The following EYS variants were observed in gnomAD, a reference collection of about 807,000 sequenced individuals.
EYS encodes the protein EGF-like photoreceptor maintenance factor, also known as protein eyes shut homolog.
EYS carries 250 observed loss-of-function variants against 282.1 expected under a neutral mutation model. The ratio of observed to expected loss-of-function variants is 0.89; its 90% CI spans 0.80 to 0.98. The LOEUF (loss-of-function observed/expected upper bound fraction) is 0.98. EYS is among the 50% of genes least tolerant of loss of function. EYS has a pLI of 0.00. For synonymous variants in EYS, 1,355 were observed against 1,282.9 expected (o/e 1.06, Z -1.20); for missense variants, 4,016 against 3,709.0 (o/e 1.08, Z -2.15).
intron 12 of EYS, among the ~76,000 whole-genome samples, chr6:65,286,019 C>T (rs1213692159): frequency 6.6e-6 from 1 of 151,824 alleles, no homozygotes; most frequent in Non-Finnish European, 1.5e-5. Flanking sequence ...TACTAGGTCA[C>T]AGGAGGGAAA....
At chr6:64,673,437 T>C (rs1769538357) in intron 22 of EYS, among the ~76,000 whole-genome samples, 1 of 152,132 alleles carries the variant, frequency 6.6e-6, no homozygotes, top group African/African-American at 2.4e-5. Flanking sequence ...CATTATCTCA[T>C]TCTTTGCCCT....
At chr6:64,442,304 A>G (rs565178303) in intron 26 of EYS, among the ~76,000 whole-genome samples, 1 of 152,302 alleles carries the variant, frequency 6.6e-6, no homozygotes, top group East Asian at 1.9e-4. Flanking sequence ...AAAATTTCTA[A>G]GCAGCAAAAC....
rs559923378 is a variant in EYS at position 64,350,774 on chromosome 6, C to T, written c.6078+37916G>A. Among the ~76,000 whole-genome samples the T allele has an allele frequency of 2.0e-5, 3 of 151,642 alleles. No homozygotes were observed. In the South Asian group the frequency reaches 6.2e-4, roughly 31 times the overall value. ...CCAGTGATATGATTTGGCTCTGTGT[C>T]CCCATGCAAGTCTCATCTTGAATTG... is the stretch of plus-strand genomic sequence containing the variant. On this transcript the variant is annotated intron_variant, in intron 29 of 42. Transcript: ENST00000503581.
chr6:64,044,706 G>A (rs1770542420), intron 33 of EYS, among the ~76,000 whole-genome samples: 1 of 151,932 alleles, frequency 6.6e-6, no homozygotes, highest in Non-Finnish European at 1.5e-5. Context: ...TTTTACTGTT[G>A]CTTATAGAAT....
intron 23 of EYS, among the ~76,000 whole-genome samples, chr6:64,618,227 T>C (rs9445043): frequency 0.33 from 50,780 of 152,014 alleles, 9,118 homozygotes; most frequent in East Asian, 0.5. Context: ...TTGCTAAGTA[T>C]TCCATAAGCT....
intron 2 of EYS, among the ~76,000 whole-genome samples, chr6:65,548,548 C>T (rs1483215933): frequency 6.6e-6 from 1 of 152,162 alleles, no homozygotes; most frequent in Non-Finnish European, 1.5e-5. Context: ...ATGGAAGTTT[C>T]CACAGCGATT....
intron 30 of EYS, among the ~76,000 whole-genome samples, chr6:64,253,060 T>A (rs1767276045): frequency 6.6e-6 from 1 of 152,140 alleles, no homozygotes; most frequent in African/African-American, 2.4e-5. Flanking sequence ...ATTCTTTATG[T>A]CAATGCTTTT....
intron 31 of EYS, among the ~76,000 whole-genome samples, chr6:64,182,342 A>G (rs931364452): frequency 2.0e-5 from 3 of 152,100 alleles, no homozygotes; most frequent in Non-Finnish European, 2.9e-5. Context: ...CTTTTTATTA[A>G]GAAAAGAATA....
chr6:65,695,729 T>C (rs1769427028), intron 1 of EYS, among the ~76,000 whole-genome samples: 2 of 151,984 alleles, frequency 1.3e-5, no homozygotes, highest in South Asian at 4.1e-4. Flanking sequence ...ATACAGGTAA[T>C]ATGGCTCTGT....
intron 5 of EYS, among the ~76,000 whole-genome samples, chr6:65,459,695 G>T (rs1297581551): frequency 2.6e-5 from 4 of 151,372 alleles, no homozygotes; most frequent in African/African-American, 4.8e-5. Context: ...TTCATAGAGA[G>T]TCTTGAACAG....
chr6:65,099,853 G>A (rs1774845028), intron 12 of EYS, among the ~76,000 whole-genome samples: 1 of 150,548 alleles, frequency 6.6e-6, no homozygotes, highest in African/African-American at 2.4e-5. Context: ...TTTATCAAAG[G>A]CAAAAGACAA....
At chr6:65,079,082 C>A (rs1472679702) in intron 12 of EYS, among the ~76,000 whole-genome samples, 3 of 151,936 alleles carry the variant, frequency 2.0e-5, no homozygotes, top group African/African-American at 4.8e-5. Context: ...ATTGCTCAGT[C>A]TCATGTATTT....
chr6:65,365,654 G>A (rs562632365), intron 8 of EYS, among the ~76,000 whole-genome samples: 1 of 151,748 alleles, frequency 6.6e-6, no homozygotes, highest in South Asian at 2.1e-4. Context: ...ACAATGTAAT[G>A]TTTTTGATAT....
At chr6:63,849,581 G>A (rs1181646316) in intron 36 of EYS, among the ~76,000 whole-genome samples, 1 of 152,130 alleles carries the variant, frequency 6.6e-6, no homozygotes. Context: ...GCAGAAGAGG[G>A]GCCTGACTGT....
intron 42 of EYS, among the ~76,000 whole-genome samples, chr6:63,723,655 G>A (rs1768495490): frequency 2.0e-5 from 3 of 151,896 alleles, no homozygotes; most frequent in Non-Finnish European, 2.9e-5. Flanking sequence ...ATGTTCTTAC[G>A]AAAAATTGAC....
chr6:64,531,841 T>C (rs1764353267), intron 26 of EYS, among the ~76,000 whole-genome samples: 1 of 152,142 alleles, frequency 6.6e-6, no homozygotes, highest in Non-Finnish European at 1.5e-5. Flanking sequence ...GGTGTAAGTC[T>C]ACCCATTCGA....
chr6:65,132,149 G>A (rs1392298001), intron 12 of EYS, among the ~76,000 whole-genome samples: 1 of 151,410 alleles, frequency 6.6e-6, no homozygotes, highest in Non-Finnish European at 1.5e-5. Context: ...ATAAGGAAGA[G>A]CTGATTCCTA....
chr6:64,249,635 A>G (rs1388595497), intron 30 of EYS, among the ~76,000 whole-genome samples: 2 of 152,232 alleles, frequency 1.3e-5, no homozygotes, highest in Non-Finnish European at 2.9e-5. Context: ...CAGGGCTAGA[A>G]TTGGATAGTA....
chr6:63,925,065 G>C (rs1369060206), intron 35 of EYS, among the ~76,000 whole-genome samples: 1 of 152,128 alleles, frequency 6.6e-6, no homozygotes, highest in Non-Finnish European at 1.5e-5. Flanking sequence ...TAATTTATAT[G>C]CTGGACATCT....
Sources: allele counts gnomAD v4.1 joint callset (sites outside exome capture counted in the v4.1 genomes callset), GRCh38; gene constraint gnomAD v4.1.1; transcripts MANE v1.5; gene names NCBI Gene and HGNC (gene_info 2026-07-23, HGNC 2026-07-21).